LCLAT1: variants seen among roughly 807,000 people sequenced by gnomAD.
LCLAT1 encodes lysocardiolipin acyltransferase 1.
A neutral mutation model predicts 30.7 loss-of-function variants in LCLAT1; 11 were observed. The observed-to-expected ratio is 0.36, with a 90% CI of 0.23 to 0.59. The LOEUF is 0.59. LCLAT1 is among the 20% of genes least tolerant of loss of function. The pLI is 0.77. For synonymous variants in LCLAT1, 155 were observed against 151.3 expected, an observed-to-expected ratio of 1.02 and a Z score of -0.18; for missense variants, 402 against 458.6, an observed-to-expected ratio of 0.88 and a Z score of 1.13.
intron 5 of LCLAT1, among the ~76,000 whole-genome samples, chr2:30,610,031 G>A (rs1009060319): frequency 6.6e-6 from 1 of 152,090 alleles, no homozygotes; most frequent in Non-Finnish European, 1.5e-5. Flanking sequence ...ACCGATTTTT[G>A]AAGGATATAG....
intron 5 of LCLAT1, among the ~76,000 whole-genome samples, chr2:30,588,783 C>T (rs146996998): frequency 9.2e-5 from 14 of 151,952 alleles, no homozygotes; most frequent in African/African-American, 2.2e-4. Context: ...TATTTTTAGT[C>T]GAGACAGGGT....
chr2:30,501,973 A>G (rs976930409), intron 1 of LCLAT1, among the ~76,000 whole-genome samples: 3 of 152,182 alleles, frequency 2.0e-5, no homozygotes, highest in African/African-American at 7.2e-5. Flanking sequence ...CAGTTCTTTA[A>G]CGTAAGAAAT....
chr2:30,495,943 A>G (rs829648), intron 1 of LCLAT1, among the ~76,000 whole-genome samples: 33,864 of 152,072 alleles, frequency 0.22, 3,859 homozygotes, highest in East Asian at 0.35. Flanking sequence ...TTGCTATAAA[A>G]AACTATCTGA....
intron 1 of LCLAT1, among the ~76,000 whole-genome samples, chr2:30,491,328 C>T (rs1683824233): frequency 6.6e-6 from 1 of 152,196 alleles, no homozygotes; most frequent in African/African-American, 2.4e-5. Context: ...ATATACCAGC[C>T]ACTCTTCTAA....
chr2:30,602,632 TAATC>T (rs1461909787), intron 5 of LCLAT1, among the ~76,000 whole-genome samples: 1 of 151,246 alleles, frequency 6.6e-6, no homozygotes, highest in Admixed American at 6.7e-5. Flanking sequence ...ACAAACAGAT[TAATC>T]AGTTCCTTCC....
chr2:30,542,257 T>C lies in LCLAT1; in HGVS notation c.364+8943T>C, dbSNP rs115317966. On this transcript the variant is annotated intron_variant, in intron 3 of 5. Coordinates refer to ENST00000379509, the MANE Select transcript of LCLAT1 (RefSeq NM_001002257.3). ...AACCATTTCTTCTTATTGTTCTTTC[T>C]TTGTCTGACCTTGTGTCACAAATAT... Among the ~76,000 whole-genome samples, 1,013 of 152,320 alleles carry C rather than the reference T, an allele frequency of 6.7e-3. 10 individuals carry two copies. Among genetic ancestry groups the C allele is most frequent in the African/African-American group, 0.023 (962 of 41,584 alleles).
intron 1 of LCLAT1, among the ~76,000 whole-genome samples, chr2:30,521,231 T>A (rs898437758): frequency 2.6e-5 from 4 of 152,202 alleles, no homozygotes; most frequent in Non-Finnish European, 1.5e-5. Flanking sequence ...ATCCATCCCT[T>A]GTTTAGCATA....
chr2:30,569,851 A>G (rs1665697720), intron 5 of LCLAT1, among the ~76,000 whole-genome samples: 1 of 152,194 alleles, frequency 6.6e-6, no homozygotes, highest in African/African-American at 2.4e-5. Flanking sequence ...TGGACTTGAT[A>G]TTCATGTTGT....
chr2:30,483,506 A>G (rs965793204), intron 1 of LCLAT1, among the ~76,000 whole-genome samples: 2 of 152,158 alleles, frequency 1.3e-5, no homozygotes, highest in Non-Finnish European at 2.9e-5. Context: ...TAATGTGTCT[A>G]CCTCCATAGG....
chr2:30,586,731 C>T (rs1371610795), intron 5 of LCLAT1, among the ~76,000 whole-genome samples: 1 of 152,162 alleles, frequency 6.6e-6, no homozygotes, highest in East Asian at 1.9e-4. Context: ...TGCCCATCCT[C>T]AACATCTTGT....
At chr2:30,507,236 A>G (rs1340371194) in intron 1 of LCLAT1, among the ~76,000 whole-genome samples, 2 of 152,176 alleles carry the variant, frequency 1.3e-5, no homozygotes, top group East Asian at 3.8e-4. Flanking sequence ...CTGACTCCCA[A>G]GGATTGCTTT....
chr2:30,535,885 C>A (rs1489823086), intron 3 of LCLAT1, among the ~76,000 whole-genome samples: 1 of 151,912 alleles, frequency 6.6e-6, no homozygotes, highest in Non-Finnish European at 1.5e-5. Context: ...CAGCAAAATA[C>A]AAGAGAACAC....
At chr2:30,474,745 C>G (rs1195297698) in intron 1 of LCLAT1, among the ~76,000 whole-genome samples, 1 of 150,928 alleles carries the variant, frequency 6.6e-6, no homozygotes, top group Non-Finnish European at 1.5e-5. Flanking sequence ...ACCTCCTGGG[C>G]TCAAGTGATC....
chr2:30,570,202 C>T (rs1314242180), intron 5 of LCLAT1, among the ~76,000 whole-genome samples: 1 of 152,126 alleles, frequency 6.6e-6, no homozygotes, highest in Non-Finnish European at 1.5e-5. Flanking sequence ...TCAACAACCA[C>T]AGTATGTAAT....
intron 1 of LCLAT1, among the ~76,000 whole-genome samples, chr2:30,452,646 C>G (rs1335345487): frequency 6.6e-6 from 1 of 152,120 alleles, no homozygotes; most frequent in Non-Finnish European, 1.5e-5. Flanking sequence ...AAGCAGGTCT[C>G]TTTTTCATCA....
intron 1 of LCLAT1, among the ~76,000 whole-genome samples, chr2:30,477,902 T>C (rs1306849255): frequency 6.6e-6 from 1 of 152,180 alleles, no homozygotes; most frequent in Non-Finnish European, 1.5e-5. Flanking sequence ...CTTGAAATTT[T>C]ACGATTTTCC....
At chr2:30,514,607 T>G (rs1369382574) in intron 1 of LCLAT1, among the ~76,000 whole-genome samples, 2 of 152,220 alleles carry the variant, frequency 1.3e-5, no homozygotes, top group Non-Finnish European at 2.9e-5. Flanking sequence ...ATATTTAGAA[T>G]TTCTGTGTTA....
At chr2:30,566,477 G>T (rs150733050) in intron 4 of LCLAT1, among the ~76,000 whole-genome samples, 3 of 152,050 alleles carry the variant, frequency 2.0e-5, no homozygotes, top group African/African-American at 7.2e-5. Context: ...TGACTTGCCC[G>T]GCTCAATTCC....
chr2:30,624,807 A>G (rs571376502), intron 5 of LCLAT1, among the ~76,000 whole-genome samples: 2 of 152,312 alleles, frequency 1.3e-5, no homozygotes, highest in African/African-American at 4.8e-5. Flanking sequence ...CAACAACTGC[A>G]GAATATACAT....
Sources: allele counts gnomAD v4.1 joint callset (sites outside exome capture counted in the v4.1 genomes callset), GRCh38; gene constraint gnomAD v4.1.1; transcripts MANE v1.5; gene names NCBI Gene and HGNC (gene_info 2026-07-23, HGNC 2026-07-21).